IDE: variants seen among roughly 807,000 people sequenced by gnomAD.
IDE encodes insulin degrading enzyme.
IDE carries 58 observed loss-of-function variants against 133.2 expected under a neutral mutation model. The ratio of observed to expected loss-of-function variants is 0.44; its 90% CI spans 0.35 to 0.54. IDE has a LOEUF of 0.54. IDE is among the 20% of genes least tolerant of loss of function. The pLI, the probability that IDE is intolerant of heterozygous loss-of-function variation, is 0.00. For missense variants in IDE, 981 were observed against 1,234.0 expected (o/e 0.79, Z 3.07); for synonymous variants, 396 against 421.3 (o/e 0.94, Z 0.73).
chr10:92,505,347 G>GA (rs982069685), intron 10 of IDE, among the ~76,000 whole-genome samples: 48 of 150,752 alleles, frequency 3.2e-4, no homozygotes, highest in African/African-American at 6.8e-4. Flanking sequence ...AGCGGCTGTG[G>GA]AAAAAAAAAT....
At chr10:92,497,650 G>A (rs570368042) in intron 11 of IDE, 2 of 747,300 alleles carry the variant, frequency 2.7e-6, no homozygotes, top group African/African-American at 1.9e-5. Context: ...GTCTCAGCGG[G>A]TATTAAAGAA....
At chr10:92,458,721 C>T (rs993599460) in intron 22 of IDE, among the ~76,000 whole-genome samples, 5 of 150,708 alleles carry the variant, frequency 3.3e-5, no homozygotes, top group East Asian at 1.9e-4. Flanking sequence ...AGGCTGGTCT[C>T]GAACTCCTGA....
intron 3 of IDE, among the ~76,000 whole-genome samples, chr10:92,533,264 T>C (rs1850041182): frequency 6.6e-6 from 1 of 152,154 alleles, no homozygotes; most frequent in Admixed American, 6.5e-5. Flanking sequence ...AAGCAAGAGA[T>C]GAAATTCAGT....
intron 21 of IDE, 55 bp from the exon 22 acceptor site, chr10:92,461,307 AACAGTAC>A: frequency 1.2e-6 from 1 of 836,082 alleles, no homozygotes; most frequent in South Asian, 1.4e-5. Context: ...AGCAGCCCAG[AACAGTAC>A]ACTAAATGAC....
chr10:92,568,313 T>C (rs1484246649), intron 1 of IDE, among the ~76,000 whole-genome samples: 1 of 152,144 alleles, frequency 6.6e-6, no homozygotes, highest in African/African-American at 2.4e-5. Context: ...AGGGCATACT[T>C]GCATGACTGC....
At chr10:92,560,212 C>T (rs1050135462) in intron 1 of IDE, among the ~76,000 whole-genome samples, 8 of 152,060 alleles carry the variant, frequency 5.3e-5, no homozygotes, top group Non-Finnish European at 1.0e-4. Flanking sequence ...ATTCATTTTC[C>T]TTAAAAGTCT....
intron 11 of IDE, among the ~76,000 whole-genome samples, chr10:92,496,274 G>A (rs1036433297): frequency 2.7e-4 from 41 of 152,266 alleles, no homozygotes; most frequent in African/African-American, 9.9e-4. Context: ...GTCAAATTCT[G>A]GGAAAGACAA....
intron 1 of IDE, chr10:92,573,177 A>G (rs1291713391): frequency 2.0e-6 from 2 of 985,328 alleles, no homozygotes; most frequent in African/African-American, 1.7e-5. Context: ...ACGCAGATCA[A>G]CGGTGCAGTG....
rs372650195 is a variant in IDE, at chr10:92,487,254, G to C, written c.1598C>G (p.Thr533Arg). The C allele has an allele frequency of 6.2e-7, 1 of 1,612,694 alleles. No homozygotes were observed. The highest frequency in any genetic ancestry group is 8.5e-7 in the Non-Finnish European group (1 of 1,178,972). The change falls in exon 13 of 25, where the codon ACG becomes AGG. Residue 533 changes from threonine (T) to arginine (R), a missense_variant. Physicochemically the swap from Thr to Arg is moderately conservative, Grantham distance 71. This residue lies in a region of IDE where 660 missense variants were observed against 894.7 expected (regional missense o/e 0.74). Coordinates refer to ENST00000265986, the MANE Select transcript of IDE (RefSeq NM_004969.4). ...TTCTAACGGTAAAATCTCAAAATTC[G>C]TAGGAATAAATTCATTCTTTGTAGG... ...KLPTKNEFIPTNFEILPLEKE... is the reference protein window; with the variant it reads ...KLPTKNEFIPRNFEILPLEKE...
Position 92,454,365 on chromosome 10 carries a change from A to T in IDE, c.*79T>A. 1.0e-6 allele frequency: 1 copy of T among 957,516 alleles called. No individual in the cohort carries two copies. The highest frequency in any genetic ancestry group is 1.3e-5 in the South Asian group (1 of 75,524). 59.3% of individuals were successfully genotyped at this position (957,516 alleles called of 1,614,324 possible). ...TCTAATAGTGAATCAGAAACTATTA[A>T]AGTGGCCAAGATGATTTTCTTAGGC... On this transcript the variant is annotated 3_prime_UTR_variant, in exon 25 of 25. Transcript: ENST00000265986.
chr10:92,461,809 C>T (rs1428365185), intron 21 of IDE, among the ~76,000 whole-genome samples: 1 of 152,024 alleles, frequency 6.6e-6, no homozygotes, highest in Non-Finnish European at 1.5e-5. Context: ...GGACTACAGG[C>T]GCCCGCCACC....
intron 17 of IDE, among the ~76,000 whole-genome samples, chr10:92,474,065 A>AG (rs1846124088): frequency 1.3e-5 from 2 of 151,380 alleles, no homozygotes; most frequent in Admixed American, 1.3e-4. Flanking sequence ...AGAAAAAAAA[A>AG]TTTTTTTTTG....
chr10:92,548,698 A>C (rs1487878325), intron 1 of IDE, among the ~76,000 whole-genome samples: 1 of 152,206 alleles, frequency 6.6e-6, no homozygotes, highest in African/African-American at 2.4e-5. Context: ...GGAGGTCAAA[A>C]ACATTCATTA....
At chr10:92,465,188 G>T (rs1229862693) in intron 20 of IDE, among the ~76,000 whole-genome samples, 1 of 152,136 alleles carries the variant, frequency 6.6e-6, no homozygotes, top group African/African-American at 2.4e-5. Context: ...CATTACTGGG[G>T]CTTCTTTGAG....
In IDE at chr10:92,453,963, G is replaced by A. The variant is rs557160802; in HGVS notation, c.*481C>T. The A allele has an allele frequency of 6.6e-6, 1 of 152,546 alleles. No individual in the cohort carries two copies. Among genetic ancestry groups the A allele is most frequent in the African/African-American group, 2.4e-5 (1 of 41,558 alleles). 9.4% of individuals were successfully genotyped at this position (152,546 alleles called of 1,614,324 possible). On this transcript the variant is annotated 3_prime_UTR_variant, in exon 25 of 25. Coordinates refer to ENST00000265986, the MANE Select transcript of IDE (RefSeq NM_004969.4). ...GACATTGCTTTATCATCTGCCAAATGTAATGTTTTCCACTGATTTACATGA... is the reference window on the plus strand; with the variant it reads ...GACATTGCTTTATCATCTGCCAAATATAATGTTTTCCACTGATTTACATGA...
chr10:92,545,615 G>T (rs1456020014), intron 1 of IDE, among the ~76,000 whole-genome samples: 2 of 152,192 alleles, frequency 1.3e-5, no homozygotes, highest in African/African-American at 4.8e-5. Flanking sequence ...GATCATGCTT[G>T]CCCTAAGCAA....
At chr10:92,483,023 G>A (rs925313386) in intron 14 of IDE, among the ~76,000 whole-genome samples, 7 of 151,814 alleles carry the variant, frequency 4.6e-5, no homozygotes, top group East Asian at 1.9e-4. Flanking sequence ...CTCATGATCC[G>A]CCCGCCTCAG....
chr10:92,530,304 G>A (rs147786855), intron 4 of IDE, among the ~76,000 whole-genome samples: 1 of 147,972 alleles, frequency 6.8e-6, no homozygotes, highest in East Asian at 2.0e-4. Context: ...AAAAGTTGTT[G>A]TTTTTTTTTT....
At chr10:92,507,341 T>C (rs1848346459) in intron 9 of IDE, among the ~76,000 whole-genome samples, 1 of 152,146 alleles carries the variant, frequency 6.6e-6, no homozygotes, top group Non-Finnish European at 1.5e-5. Flanking sequence ...ATTTCTTCCC[T>C]TTTCCATCCT....
Sources: allele counts gnomAD v4.1 joint callset (sites outside exome capture counted in the v4.1 genomes callset), GRCh38; gene constraint gnomAD v4.1.1; regional missense constraint gnomAD v4.1.1; transcripts MANE v1.5; gene names NCBI Gene and HGNC (gene_info 2026-07-23, HGNC 2026-07-21).